The following SNTB1 variants were observed in gnomAD, a reference collection of about 807,000 sequenced individuals.
SNTB1 encodes the protein syntrophin beta 1.
A neutral mutation model predicts 48.9 loss-of-function variants in SNTB1; 36 were observed. That is an observed-to-expected ratio of 0.74 (90% CI 0.56 to 0.97). SNTB1 has a LOEUF of 0.97. Among genes scored for constraint, SNTB1 ranks in the 50% least tolerant of loss-of-function variants. The pLI, the probability that SNTB1 is intolerant of heterozygous loss-of-function variation, is 0.00. For synonymous variants in SNTB1, 299 were observed against 294.6 expected (o/e 1.01, Z -0.15); for missense variants, 786 against 703.4 (o/e 1.12, Z -1.33).
intron 1 of SNTB1, among the ~76,000 whole-genome samples, chr8:120,790,672 T>C (rs1259038694): frequency 6.6e-6 from 1 of 151,698 alleles, no homozygotes; most frequent in Non-Finnish European, 1.5e-5. Flanking sequence ...ACTTAGGAAT[T>C]TACTTAACCA....
At position 120,548,958 on chromosome 8, in the gene SNTB1, C is replaced by T; in HGVS notation, c.1137G>A (p.Arg379=). 1 of 1,560,580 alleles carries T rather than the reference C, an allele frequency of 6.4e-7. No individual in the cohort carries two copies. Among genetic ancestry groups the T allele is most frequent in the South Asian group, 1.2e-5 (1 of 81,790 alleles). ...CCTTTCCTGGACCTGAATGGACCAGCCTGGAGAGAGAGAGAGAGAGACATC... is the reference window on the plus strand; with the variant it reads ...CCTTTCCTGGACCTGAATGGACCAGTCTGGAGAGAGAGAGAGAGAGACATC... ...PVHTYPLLAT[R]LVHSGPGKGS... is the part of the protein sequence containing the mutation. Residue 379 remains arginine, a splice_region_variant and synonymous_variant, in exon 5 of 7, where the codon AGG becomes AGA. Coordinates refer to ENST00000517992, the MANE Select transcript of SNTB1 (RefSeq NM_021021.4).
intron 1 of SNTB1, among the ~76,000 whole-genome samples, chr8:120,743,318 T>C (rs1415073654): frequency 1.3e-5 from 2 of 152,188 alleles, no homozygotes; most frequent in Non-Finnish European, 2.9e-5. Context: ...GGTCAGGAAA[T>C]TGCACGTAGC....
chr8:120,630,538 C>T (rs1207784758), intron 3 of SNTB1, among the ~76,000 whole-genome samples: 1 of 152,150 alleles, frequency 6.6e-6, no homozygotes, highest in African/African-American at 2.4e-5. Context: ...CCTTCCCATC[C>T]ATCTCCTGCC....
intron 1 of SNTB1, among the ~76,000 whole-genome samples, chr8:120,792,461 T>C (rs959033626): frequency 2.0e-5 from 3 of 151,934 alleles, no homozygotes; most frequent in African/African-American, 4.8e-5. Flanking sequence ...AATTCATCCA[T>C]ATAACAAAAA....
intron 1 of SNTB1, among the ~76,000 whole-genome samples, chr8:120,798,454 G>T (rs1820159011): frequency 6.6e-6 from 1 of 152,022 alleles, no homozygotes; most frequent in South Asian, 2.1e-4. Context: ...GTGAGTAGAG[G>T]CTAGAGATGC....
intron 1 of SNTB1, among the ~76,000 whole-genome samples, chr8:120,738,052 C>T (rs2129996018): frequency 6.6e-6 from 1 of 152,092 alleles, no homozygotes; most frequent in African/African-American, 2.4e-5. Context: ...GAGATGGGGT[C>T]CTTGGAGGGT....
At chr8:120,655,047 C>T in intron 2 of SNTB1, 1 of 451,940 alleles carries the variant, frequency 2.2e-6, no homozygotes, top group Non-Finnish European at 4.4e-6. Flanking sequence ...ATGAAAAATA[C>T]TTCTCAACAG....
chr8:120,750,982 C>T (rs753818653), intron 1 of SNTB1, among the ~76,000 whole-genome samples: 7 of 152,146 alleles, frequency 4.6e-5, no homozygotes, highest in South Asian at 4.1e-4. Flanking sequence ...ACTATTATGA[C>T]GTTGTCTTCT....
intron 2 of SNTB1, among the ~76,000 whole-genome samples, chr8:120,680,432 G>A (rs1258649582): frequency 6.6e-6 from 1 of 152,142 alleles, no homozygotes; most frequent in Non-Finnish European, 1.5e-5. Flanking sequence ...CAAAATTCCT[G>A]TTACAGTATT....
Position 120,555,349 on chromosome 8 carries a change from T to C in SNTB1, c.1137-6391A>G, listed in dbSNP as rs190381872. ...TAGTCCGGTTTGAGAAGGCGGTGTC[T>C]GATTTAGGCAGGACTCACAGATTGG... On this transcript the variant is annotated intron_variant, in intron 4 of 6. Coordinates refer to ENST00000517992, the MANE Select transcript of SNTB1 (RefSeq NM_021021.4). Among the ~76,000 whole-genome samples, 393 of 152,306 alleles carry C rather than the reference T, an allele frequency of 2.6e-3. 6 individuals carry two copies. Among genetic ancestry groups the C allele is most frequent in the East Asian group, 0.017 (90 of 5,172 alleles).
chr8:120,667,924 A>C (rs1428715284), intron 2 of SNTB1, among the ~76,000 whole-genome samples: 1 of 152,168 alleles, frequency 6.6e-6, no homozygotes, highest in African/African-American at 2.4e-5. Flanking sequence ...TTCCAGTCCC[A>C]CTGGCAGGAC....
At chr8:120,608,565 G>T (rs534237810) in intron 3 of SNTB1, among the ~76,000 whole-genome samples, 7 of 152,238 alleles carry the variant, frequency 4.6e-5, no homozygotes, top group Non-Finnish European at 1.0e-4. Context: ...AACCAACCCT[G>T]CTGGCACCTT....
intron 4 of SNTB1, 62 bp from the exon 5 acceptor site, chr8:120,549,020 A>C: frequency 7.2e-6 from 10 of 1,382,948 alleles, no homozygotes; most frequent in Admixed American, 2.4e-5. Context: ...CTGGCATATC[A>C]CCTTGTATAA....
chr8:120,667,447 A>G (rs34245253), intron 2 of SNTB1, among the ~76,000 whole-genome samples: 84,499 of 152,128 alleles, frequency 0.56, 23,829 homozygotes, highest in East Asian at 0.71. Context: ...TAGGACACAA[A>G]AAGATACAGG....
intron 1 of SNTB1, among the ~76,000 whole-genome samples, chr8:120,782,615 CAT>C (rs1052020282): frequency 7.9e-5 from 12 of 151,984 alleles, no homozygotes; most frequent in South Asian, 2.1e-4. Context: ...CACACACACA[CAT>C]ATATATGTAA....
chr8:120,658,962 CT>C (rs1157017590), intron 2 of SNTB1, among the ~76,000 whole-genome samples: 10 of 145,660 alleles, frequency 6.9e-5, no homozygotes, highest in African/African-American at 1.5e-4. Context: ...ATGTGATATT[CT>C]TTTTTTTTTT....
chr8:120,638,597 C>A (rs760826021), intron 2 of SNTB1, among the ~76,000 whole-genome samples: 15 of 152,096 alleles, frequency 9.9e-5, no homozygotes, highest in Admixed American at 2.0e-4. Flanking sequence ...TGATGTTCCC[C>A]TTCCTGTGTC....
chr8:120,651,415 CTA>C (rs748132512), intron 2 of SNTB1, among the ~76,000 whole-genome samples: 3 of 152,184 alleles, frequency 2.0e-5, no homozygotes, highest in Non-Finnish European at 4.4e-5. Context: ...CAAAAAAGAG[CTA>C]TATGAGGTTC....
chr8:120,719,908 C>T (rs528902203), intron 1 of SNTB1, among the ~76,000 whole-genome samples: 10 of 152,152 alleles, frequency 6.6e-5, no homozygotes, highest in Non-Finnish European at 1.2e-4. Flanking sequence ...ACATGAATGG[C>T]GGGCAAGGCT....
Sources: allele counts gnomAD v4.1 joint callset (sites outside exome capture counted in the v4.1 genomes callset), GRCh38; gene constraint gnomAD v4.1.1; transcripts MANE v1.5; gene names NCBI Gene and HGNC (gene_info 2026-07-23, HGNC 2026-07-21).